The following UBE2W variants were observed in gnomAD, a reference collection of about 807,000 sequenced individuals.
The protein encoded by UBE2W is ubiquitin conjugating enzyme E2 W, also known as ubiquitin-conjugating enzyme E2 W.
Under a neutral mutation model 27.2 loss-of-function variants are expected in UBE2W, and 18 were observed. The observed-to-expected ratio is 0.66, with a 90% CI of 0.46 to 0.98. UBE2W has a LOEUF of 0.98. Ranked by LOEUF, UBE2W falls within the 50% of genes least tolerant of loss-of-function variation. The pLI, the probability that UBE2W is intolerant of heterozygous loss-of-function variation, is 0.00. For synonymous variants in UBE2W, 53 were observed against 57.2 expected (o/e 0.93, Z 0.33); for missense variants, 90 against 180.2 (o/e 0.50, Z 2.87).
chr8:73,787,763 G>A lies in UBE2W; in HGVS notation c.*6339C>T, dbSNP rs1422979057. On this transcript the variant is annotated 3_prime_UTR_variant, in exon 6 of 6. Transcript: ENST00000602593. ...GTTTGTATACTCCAGAAAGCATCCAGAAGTTCTTAGAGTATGCCCTTAATT... is the reference window on the plus strand; with the variant it reads ...GTTTGTATACTCCAGAAAGCATCCAAAAGTTCTTAGAGTATGCCCTTAATT... The A allele has an allele frequency of 3.0e-6, 3 of 985,310 alleles. No individual in the cohort carries two copies. Among genetic ancestry groups the A allele is most frequent in the African/African-American group, 3.5e-5 (2 of 57,240 alleles). The allele number at this position is 985,310 out of a possible 1,614,324, so 61.0% of individuals were successfully genotyped here. A position where few individuals can be genotyped will look rare whatever the true frequency, so the allele number is the denominator to read the frequency against.
intron 1 of UBE2W, among the ~76,000 whole-genome samples, chr8:73,855,742 T>C (rs1277035169): frequency 6.6e-6 from 1 of 152,170 alleles, no homozygotes; most frequent in Admixed American, 6.6e-5. Flanking sequence ...GTGCTGTATA[T>C]GGTCTGTAAG....
At chr8:73,842,477 C>T (rs375724756) in intron 1 of UBE2W, among the ~76,000 whole-genome samples, 2 of 127,942 alleles carry the variant, frequency 1.6e-5, no homozygotes, top group South Asian at 2.4e-4. Context: ...TGCAGTGAGC[C>T]GAGATGGTGC....
chr8:73,851,161 T>C (rs1311596709), intron 1 of UBE2W, among the ~76,000 whole-genome samples: 1 of 152,132 alleles, frequency 6.6e-6, no homozygotes, highest in African/African-American at 2.4e-5. Context: ...TCACCTATGA[T>C]TTTTAAATTC....
rs1284367478 is a variant in UBE2W, at chr8:73,790,500, A to G, written c.*3602T>C. The G allele has an allele frequency of 4.1e-6, 4 of 984,154 alleles. No individual in the cohort carries two copies. The African/African-American group carries it at 7.0e-5, about 17-fold the overall frequency. The allele number at this position is 984,154 out of a possible 1,614,324, so 61.0% of individuals were successfully genotyped here. ...GTTCTTTTTGAAAAGCAATTTACAT[A>G]CACAATTACAAATAATTGTAAATTT... is the stretch of plus-strand genomic sequence containing the variant. On this transcript the variant is annotated 3_prime_UTR_variant, in exon 6 of 6. Transcript: ENST00000602593.
chr8:73,870,392 G>T (rs1275528603), intron 1 of UBE2W: 4 of 858,142 alleles, frequency 4.7e-6, no homozygotes, highest in Non-Finnish European at 6.4e-6. Context: ...CTAGAAATCA[G>T]AAAAAAAAAA....
chr8:73,839,674 A>C (rs1200815120), intron 1 of UBE2W, among the ~76,000 whole-genome samples: 1 of 148,390 alleles, frequency 6.7e-6, no homozygotes, highest in Non-Finnish European at 1.5e-5. Flanking sequence ...AACACAAAAA[A>C]CCCACAAGTA....
At chr8:73,824,955 A>C (rs1809774151) in intron 3 of UBE2W, among the ~76,000 whole-genome samples, 192 bp downstream of exon 3, 1 of 152,230 alleles carries the variant, frequency 6.6e-6, no homozygotes, top group Non-Finnish European at 1.5e-5. Context: ...CAATTTTAGA[A>C]GCAAAATGCA....
chr8:73,788,283 C>A lies in UBE2W; in HGVS notation c.*5819G>T. 1.0e-6 allele frequency: 1 copy of A among 976,468 alleles called. No individual in the cohort carries two copies. The highest frequency in any genetic ancestry group is 1.2e-6 in the Non-Finnish European group (1 of 821,784). The allele number at this position is 976,468 out of a possible 1,614,324, so 60.5% of individuals were successfully genotyped here. A position where few individuals can be genotyped will look rare whatever the true frequency, so the allele number is the denominator to read the frequency against. ...TTCTATTTAAAAAGTAGTGACTTTA[C>A]ATATTTTGCAACTTGAGTTTATAAA... On this transcript the variant is annotated 3_prime_UTR_variant, in exon 6 of 6. Coordinates refer to ENST00000602593, the MANE Select transcript of UBE2W (RefSeq NM_018299.6).
chr8:73,825,150 A>G lies in UBE2W; in HGVS notation c.207T>C (p.Pro69=). The change falls in exon 3 of 6, where the codon CCT becomes CCC. Residue 69 remains proline (P), a synonymous_variant. Coordinates refer to ENST00000602593, the MANE Select transcript of UBE2W (RefSeq NM_018299.6). ...AAATTTAAAGCAAGGCAATTACCTGAGGAGAGTCAAAAGGATATCGACTAC... is the reference window on the plus strand; with the variant it reads ...AAATTTAAAGCAAGGCAATTACCTGGGGAGAGTCAAAAGGATATCGACTAC... ...KFSSRYPFDS[P]QVMFTGENIP... The G allele has an allele frequency of 6.5e-7, 1 of 1,545,762 alleles. No homozygotes were observed. Among genetic ancestry groups the G allele is most frequent in the Non-Finnish European group, 8.7e-7 (1 of 1,144,446 alleles).
intron 1 of UBE2W, among the ~76,000 whole-genome samples, chr8:73,856,457 C>A (rs1811306331): frequency 6.7e-6 from 1 of 148,942 alleles, no homozygotes; most frequent in African/African-American, 2.5e-5. Context: ...CTCCACCTCT[C>A]AGGTTCAAGC....
intron 3 of UBE2W, among the ~76,000 whole-genome samples, chr8:73,813,303 G>A (rs6986796): frequency 0.024 from 3,672 of 152,154 alleles, 155 homozygotes; most frequent in African/African-American, 0.084. Flanking sequence ...TGAACCAAAA[G>A]GTACTCAGGA....
chr8:73,869,040 A>G (rs913256873), intron 1 of UBE2W, among the ~76,000 whole-genome samples: 2 of 152,262 alleles, frequency 1.3e-5, no homozygotes. Context: ...TAACTGGTGA[A>G]TGGATAAACT....
rs182025450 is a variant in UBE2W, at chr8:73,841,208, C to T, written c.16-10736G>A. Among the ~76,000 whole-genome samples the T allele has an allele frequency of 3.2e-3, 494 of 152,118 alleles. 3 individuals carry two copies. The highest frequency in any genetic ancestry group is 9.8e-3 in the South Asian group (47 of 4,818). On this transcript the variant is annotated intron_variant, in intron 1 of 5. Transcript: ENST00000602593. ...CACTAATAAGTAGATATTATTTTTC[C>T]CTAACAACATTAAGAAACAGAATTC...
chr8:73,834,299 A>G (rs1810216143), intron 1 of UBE2W, among the ~76,000 whole-genome samples: 1 of 152,236 alleles, frequency 6.6e-6, no homozygotes, highest in Non-Finnish European at 1.5e-5. Flanking sequence ...AATAAAGACA[A>G]ATTTATGCAA....
At chr8:73,835,063 A>G (rs1309989885) in intron 1 of UBE2W, among the ~76,000 whole-genome samples, 1 of 152,182 alleles carries the variant, frequency 6.6e-6, no homozygotes, top group Non-Finnish European at 1.5e-5. Context: ...GAACTTTACT[A>G]AGTCAAGAAG....
Position 73,793,613 on chromosome 8 carries a change from T to G in UBE2W, c.*489A>C. On this transcript the variant is annotated 3_prime_UTR_variant, in exon 6 of 6. Transcript: ENST00000602593. Reference sequence around the variant, plus strand: ...CCAAATATAAACAGTTGGGGTGACTTTTAAAGTAATGTTGGATCCCTCACT... The same window carrying G: ...CCAAATATAAACAGTTGGGGTGACTGTTAAAGTAATGTTGGATCCCTCACT... The G allele has an allele frequency of 2.0e-6, 2 of 986,380 alleles. No homozygotes were observed. The highest frequency in any genetic ancestry group is 2.4e-6 in the Non-Finnish European group (2 of 830,334). The allele number at this position is 986,380 out of a possible 1,614,324, so 61.1% of individuals were successfully genotyped here. A position where few individuals can be genotyped will look rare whatever the true frequency, so the allele number is the denominator to read the frequency against.
chr8:73,874,507 A>G (rs1812138321), intron 1 of UBE2W, among the ~76,000 whole-genome samples: 1 of 152,228 alleles, frequency 6.6e-6, no homozygotes, highest in Admixed American at 6.5e-5. Flanking sequence ...GATTCACCTG[A>G]GAAAAGAATA....
intron 1 of UBE2W, among the ~76,000 whole-genome samples, chr8:73,842,373 C>CA (rs1810570908): frequency 6.6e-6 from 1 of 150,902 alleles, no homozygotes. Flanking sequence ...ACTAAAAATA[C>CA]AAAAAATGAG....
At chr8:73,877,346 CT>C (rs1812276089) in intron 1 of UBE2W, among the ~76,000 whole-genome samples, 1 of 152,118 alleles carries the variant, frequency 6.6e-6, no homozygotes, top group Non-Finnish European at 1.5e-5. Flanking sequence ...GAAATTGTTC[CT>C]GTTTTTTCCC....
Sources: gnomAD v4.1 joint callset for allele counts (sites outside exome capture counted in the v4.1 genomes callset) on GRCh38, gnomAD v4.1.1 for gene constraint, MANE v1.5 for transcripts, NCBI Gene and HGNC (gene_info 2026-07-23, HGNC 2026-07-21) for gene names.